The following CIDEC variants were observed in gnomAD, a reference collection of about 807,000 sequenced individuals.
CIDEC encodes the protein lipid transferase CIDEC.
In CIDEC, 11 loss-of-function variants were observed where a neutral mutation model predicts 21.9. That is an observed-to-expected ratio of 0.50 (90% CI 0.32 to 0.83). CIDEC has a LOEUF of 0.83. Ranked by LOEUF, CIDEC falls within the 40% of genes least tolerant of loss-of-function variation. CIDEC has a pLI of 0.04. For synonymous variants in CIDEC, 127 were observed against 124.9 expected (o/e 1.02, Z -0.11); for missense variants, 302 against 302.3 (o/e 1.00, Z 0.01).
At chr3:9,868,295 G>C (rs2082300337) in intron 6 of CIDEC, among the ~76,000 whole-genome samples, 1 of 152,198 alleles carries the variant, frequency 6.6e-6, no homozygotes, top group South Asian at 2.1e-4. Flanking sequence ...TCTGCACCTT[G>C]AGACACTCTG....
intron 2 of CIDEC, 168 bp downstream of exon 2, chr3:9,878,774 C>T (rs763048519): frequency 1.3e-6 from 2 of 1,536,236 alleles, no homozygotes; most frequent in South Asian, 1.2e-5. Context: ...CCCAGTCCCA[C>T]TCACTCCATG....
chr3:9,867,534 C>T (rs1044327550), intron 6 of CIDEC, among the ~76,000 whole-genome samples: 1 of 152,164 alleles, frequency 6.6e-6, no homozygotes, highest in African/African-American at 2.4e-5. Flanking sequence ...GCAGGAGAAT[C>T]GCTTGAACCC....
chr3:9,877,009 C>T, intron 4 of CIDEC, 57 bp downstream of exon 4: 1 of 1,450,210 alleles, frequency 6.9e-7, no homozygotes, highest in Non-Finnish European at 9.5e-7. Context: ...GCCCTGACCT[C>T]CATCTCTGCT....
chr3:9,870,122 C>A (rs370445723), intron 5 of CIDEC, 42 bp downstream of exon 5: 279 of 1,613,980 alleles, frequency 1.7e-4, no homozygotes, highest in Non-Finnish European at 2.3e-4. Context: ...CTCCCAGAGT[C>A]CCGATTTTCT....
rs531711088 is a variant in CIDEC at position 9,870,313 on chromosome 3, T to C, written c.217A>G (p.Thr73Ala). The C allele has an allele frequency of 7.5e-5, 121 of 1,613,648 alleles. 8 individuals are homozygous for C. The South Asian group carries it at 1.3e-3, about 17-fold the overall frequency. Reference sequence around the variant, plus strand: ...AAGGGCTTGTCTGCCAGCATCAGAGTGTCCCGGACCTGGGGAATAAGGTCA... The same window carrying C: ...AAGGGCTTGTCTGCCAGCATCAGAGCGTCCCGGACCTGGGGAATAAGGTCA... ...LEDLLLKVRD[T>A]LMLADKPFFL... Residue 73 changes from threonine to alanine, a missense_variant, in exon 5 of 7, where the codon ACT (threonine) becomes GCT (alanine). Physicochemically the swap from Thr to Ala is moderately conservative, Grantham distance 58. Transcript: ENST00000336832.
chr3:9,875,376 CAA>C (rs34070196), intron 4 of CIDEC, among the ~76,000 whole-genome samples: 3 of 116,882 alleles, frequency 2.6e-5, no homozygotes, highest in Non-Finnish European at 5.1e-5. Context: ...GACTCTGTCT[CAA>C]AAAAAAAAAA....
intron 4 of CIDEC, among the ~76,000 whole-genome samples, chr3:9,872,181 C>CTTTTTT (rs60836522): frequency 0.017 from 2,501 of 144,640 alleles, 69 homozygotes; most frequent in African/African-American, 0.059. Context: ...GATGCTGAGC[C>CTTTTTT]TTTTTTTTTT....
At chr3:9,870,404 C>G (rs752894049) in intron 4 of CIDEC, 82 bp from the exon 5 acceptor site, 6 of 1,594,196 alleles carry the variant, frequency 3.8e-6, no homozygotes, top group Non-Finnish European at 5.1e-6. Flanking sequence ...AGCCCAGGCC[C>G]TCTGCTGTGG....
rs375731431 is a variant in CIDEC, at chr3:9,867,114, G to C, written c.*20C>G. On this transcript the variant is annotated 3_prime_UTR_variant, in exon 7 of 7. Transcript: ENST00000336832. The stretch of plus-strand genomic sequence containing the variant: ...CCCAGTCAGTCCTTCACTGGGGAAA[G>C]CTTCCAAGGACTTGGGCTTTCACTG... 2 of 1,612,352 alleles carry C rather than the reference G, an allele frequency of 1.2e-6. No homozygotes were observed. Among genetic ancestry groups the C allele is most frequent in the Non-Finnish European group, 1.7e-6 (2 of 1,179,896 alleles).
chr3:9,877,628 C>T (rs1273314622), intron 3 of CIDEC, among the ~76,000 whole-genome samples: 1 of 151,994 alleles, frequency 6.6e-6, no homozygotes, highest in Non-Finnish European at 1.5e-5. Flanking sequence ...CCACTGCACT[C>T]CAGCCTGGGC....
chr3:9,878,227 G>T, intron 3 of CIDEC: 2 of 602,448 alleles, frequency 3.3e-6, no homozygotes, highest in Non-Finnish European at 6.0e-6. Flanking sequence ...TTTTATGCAT[G>T]GTGTGGTGGT....
intron 3 of CIDEC, 55 bp from the exon 4 acceptor site, chr3:9,877,274 C>G: frequency 6.5e-7 from 1 of 1,535,104 alleles, no homozygotes; most frequent in Non-Finnish European, 8.8e-7. Flanking sequence ...CCCTTGCCCA[C>G]CACACAGGGG....
intron 6 of CIDEC, among the ~76,000 whole-genome samples, chr3:9,867,796 G>C (rs139867479): frequency 6.6e-6 from 1 of 152,082 alleles, no homozygotes; most frequent in South Asian, 2.1e-4. Context: ...CGGGCGTGGT[G>C]GCAGACACCT....
intron 4 of CIDEC, 80 bp from the exon 5 acceptor site, chr3:9,870,402 C>T (rs754705818): frequency 2.3e-5 from 36 of 1,594,910 alleles, no homozygotes; most frequent in Non-Finnish European, 3.1e-5. Flanking sequence ...GGAGCCCAGG[C>T]CCTCTGCTGT....
At chr3:9,876,348 C>G (rs1239627638) in intron 4 of CIDEC, among the ~76,000 whole-genome samples, 2 of 152,096 alleles carry the variant, frequency 1.3e-5, no homozygotes, top group Non-Finnish European at 2.9e-5. Flanking sequence ...GTGGTGCATG[C>G]CTGTAGTCCC....
At chr3:9,877,016 T>C in intron 4 of CIDEC, 50 bp downstream of exon 4, 1 of 1,497,114 alleles carries the variant, frequency 6.7e-7, no homozygotes, top group Non-Finnish European at 9.1e-7. Context: ...CCTCCATCTC[T>C]GCTGAATCCC....
rs58940229 is a variant in CIDEC at position 9,878,982 on chromosome 3, G to A, written c.-66C>T. ...CTCACAGGCAGGCAGCCCAGTCAAA[G>A]CCTCCTCTCTCCCATGGGTCCTTGA... is the stretch of plus-strand genomic sequence containing the variant. On this transcript the variant is annotated 5_prime_UTR_variant, in exon 2 of 7. Transcript: ENST00000336832. The A allele has an allele frequency of 7.2e-3, 4,777 of 663,698 alleles. 50 individuals carry two copies. Among genetic ancestry groups the A allele is most frequent in the African/African-American group, 0.033 (1,858 of 56,502 alleles). The allele number at this position is 663,698 out of a possible 1,614,324, so 41.1% of individuals were successfully genotyped here.
chr3:9,879,003 C>G lies in CIDEC; in HGVS notation c.-87G>C. On this transcript the variant is annotated 5_prime_UTR_variant, in exon 2 of 7. Transcript: ENST00000336832. ...CAAAGCCTCCTCTCTCCCATGGGTC[C>G]TTGAGCAATCCGAGCCCCTTCCTGA... is the stretch of plus-strand genomic sequence containing the variant. 4.8e-6 allele frequency: 3 copies of G among 627,174 alleles called. No homozygotes were observed. Among genetic ancestry groups the G allele is most frequent in the Non-Finnish European group, 8.6e-6 (3 of 348,876 alleles). 38.9% of individuals were successfully genotyped at this position (627,174 alleles called of 1,614,324 possible).
In CIDEC at chr3:9,867,099, C is replaced by T. The variant is rs781264168; in HGVS notation, c.*35G>A. ...GTTAAGCGTGAGGCCCCCAGTCAGT[C>T]CTTCACTGGGGAAAGCTTCCAAGGA... On this transcript the variant is annotated 3_prime_UTR_variant, in exon 7 of 7. Transcript: ENST00000336832. 1.2e-5 allele frequency: 20 copies of T among 1,606,826 alleles called. No individual in the cohort carries two copies. The highest frequency in any genetic ancestry group is 1.6e-5 in the Non-Finnish European group (19 of 1,175,060).
Sources: allele counts gnomAD v4.1 joint callset (sites outside exome capture counted in the v4.1 genomes callset), GRCh38; gene constraint gnomAD v4.1.1; transcripts MANE v1.5; gene names NCBI Gene and HGNC (gene_info 2026-07-23, HGNC 2026-07-21).